The following MTMR3 variants were observed in gnomAD, a reference collection of about 807,000 sequenced individuals.
The protein encoded by MTMR3 is myotubularin related protein 3.
MTMR3 carries 32 observed loss-of-function variants against 132.4 expected under a neutral mutation model. The observed-to-expected ratio is 0.24, with a 90% confidence interval of 0.18 to 0.32. The LOEUF (loss-of-function observed/expected upper bound fraction) is 0.32, where lower values mean the gene tolerates loss of function less well. MTMR3 is among the 10% of genes least tolerant of loss of function. MTMR3 has a pLI of 1.00. For missense variants in MTMR3, 1,216 were observed against 1,489.6 expected (o/e 0.82, Z 3.02); for synonymous variants, 556 against 550.3 (o/e 1.01, Z -0.14).
At position 30,019,899 on chromosome 22, in the gene MTMR3, ATGC is replaced by A; in HGVS notation, c.2245_2247del (p.Ala749del). The A allele has an allele frequency of 1.2e-6, 2 of 1,614,160 alleles. No homozygotes were observed. The highest frequency in any genetic ancestry group is 1.7e-6 in the Non-Finnish European group (2 of 1,180,010). ...CTTCACCAAGACCCAGAACTGGGTG[ATGC>A]TGCTCTGAGGAGCCATCTGGATATG... On this transcript the variant is annotated inframe_deletion, in exon 17 of 20. Coordinates refer to ENST00000401950, the MANE Select transcript of MTMR3 (RefSeq NM_021090.4).
At chr22:30,008,782 G>A (rs112567107) in intron 11 of MTMR3, 52 of 428,610 alleles carry the variant, frequency 1.2e-4, no homozygotes, top group African/African-American at 9.5e-4. Context: ...TTTTATGTCA[G>A]TATCTTCTTT....
At chr22:29,971,085 A>T (rs1202139048) in intron 3 of MTMR3, 23 bp downstream of exon 3, 1 of 1,055,216 alleles carries the variant, frequency 9.5e-7, no homozygotes. Context: ...AAATAAGAGT[A>T]AAAAAAAAAA....
chr22:29,966,514 G>A (rs1285029954), intron 2 of MTMR3, among the ~76,000 whole-genome samples: 7 of 152,022 alleles, frequency 4.6e-5, no homozygotes, highest in Non-Finnish European at 1.5e-5. Context: ...TTTGCATCTT[G>A]TATTTCATTA....
rs564673938 is a variant in MTMR3, at chr22:30,026,530, C to T, written c.*729C>T. 2 of 152,984 alleles carry T rather than the reference C, an allele frequency of 1.3e-5. No homozygotes were observed. The highest frequency in any genetic ancestry group is 3.7e-4 in the East Asian group (2 of 5,334). The allele number at this position is 152,984 out of a possible 1,614,324, so 9.5% of individuals were successfully genotyped here. A position where few individuals can be genotyped will look rare whatever the true frequency, so the allele number is the denominator to read the frequency against. ...GTGGGATCCCATTTTTAACTTGACCCAGATTGTCTTGGGCTCCTTTTACTT... is the reference window on the plus strand; with the variant it reads ...GTGGGATCCCATTTTTAACTTGACCTAGATTGTCTTGGGCTCCTTTTACTT... On this transcript the variant is annotated 3_prime_UTR_variant, in exon 20 of 20. Coordinates refer to ENST00000401950, the MANE Select transcript of MTMR3 (RefSeq NM_021090.4).
chr22:30,019,672 A>G lies in MTMR3; in HGVS notation c.2013A>G (p.Arg671=). The stretch of plus-strand genomic sequence containing the variant: ...CCGACAGCCTAGGGAAGCCCACCAG[A>G]GTGCCGGGGGGTGCCGAGCTTTCTG... ...LSADSLGKPT[R]VPGGAELSVA... The change falls in exon 17 of 20, where the codon AGA becomes AGG. Residue 671 remains arginine, a synonymous_variant. Transcript: ENST00000401950. The G allele has an allele frequency of 3.7e-6, 6 of 1,614,180 alleles. No homozygotes were observed. Among genetic ancestry groups the G allele is most frequent in the Non-Finnish European group, 5.1e-6 (6 of 1,180,034 alleles).
chr22:29,911,829 A>G (rs557374564), intron 1 of MTMR3, among the ~76,000 whole-genome samples: 2 of 152,246 alleles, frequency 1.3e-5, no homozygotes, highest in East Asian at 3.9e-4. Flanking sequence ...ATGGGTATAG[A>G]ATTAATCAGT....
At chr22:29,942,543 C>T (rs2065876856) in intron 1 of MTMR3, among the ~76,000 whole-genome samples, 1 of 152,158 alleles carries the variant, frequency 6.6e-6, no homozygotes, top group Non-Finnish European at 1.5e-5. Flanking sequence ...TCCTAATAAG[C>T]CTGGGAGCAC....
At chr22:29,903,438 G>C (rs1467538959) in intron 1 of MTMR3, among the ~76,000 whole-genome samples, 1 of 145,174 alleles carries the variant, frequency 6.9e-6, no homozygotes, top group Non-Finnish European at 1.5e-5. Flanking sequence ...ATCCAGGCTG[G>C]AGTGCAGTGG....
At chr22:30,015,225 T>A (rs545738093) in intron 14 of MTMR3, 1 of 150,868 alleles carries the variant, frequency 6.6e-6, no homozygotes, top group African/African-American at 2.4e-5. Context: ...GTTTTTAATT[T>A]TTTTTTTTTT....
At chr22:29,942,135 C>G (rs771102410) in intron 1 of MTMR3, among the ~76,000 whole-genome samples, 4 of 152,044 alleles carry the variant, frequency 2.6e-5, no homozygotes, top group Non-Finnish European at 2.9e-5. Context: ...TCTATTTTCC[C>G]TAAGTGTCAG....
At chr22:29,886,008 C>T (rs2064669971) in intron 1 of MTMR3, among the ~76,000 whole-genome samples, 1 of 152,158 alleles carries the variant, frequency 6.6e-6, no homozygotes, top group African/African-American at 2.4e-5. Flanking sequence ...ACCCAGCTGT[C>T]CATTAGAAGA....
chr22:29,973,529 T>C (rs1569031265), intron 3 of MTMR3, among the ~76,000 whole-genome samples: 1 of 152,236 alleles, frequency 6.6e-6, no homozygotes, highest in African/African-American at 2.4e-5. Context: ...CTTCTACGCT[T>C]TGCAAACACG....
At position 30,009,088 on chromosome 22, in the gene MTMR3, G is replaced by T. The variant is rs201306503; in HGVS notation, c.1080G>T (p.Gln360His). The part of the protein sequence containing the change: ...ANIHSIRRSF[Q>H]SLRLLCTQMP... ...TTCATTCTATTCGGAGGAGTTTTCAGTCTCTGCGGTTGCTGTGCACTCAGA... is the reference window on the plus strand; with the variant it reads ...TTCATTCTATTCGGAGGAGTTTTCATTCTCTGCGGTTGCTGTGCACTCAGA... The change falls in exon 12 of 20, where the codon CAG becomes CAT. Residue 360 changes from glutamine to histidine, a missense_variant. Gln to His is a conservative substitution (Grantham distance 24, BLOSUM62 0). Coordinates refer to ENST00000401950, the MANE Select transcript of MTMR3 (RefSeq NM_021090.4). 9 of 1,613,842 alleles carry T rather than the reference G, an allele frequency of 5.6e-6. No homozygotes were observed. The East Asian group carries it at 1.6e-4, about 28-fold the overall frequency.
At chr22:29,958,026 A>G (rs2066235427) in intron 2 of MTMR3, among the ~76,000 whole-genome samples, 1 of 152,232 alleles carries the variant, frequency 6.6e-6, no homozygotes, top group South Asian at 2.1e-4. Context: ...TTTCAGTACT[A>G]CCTGTAGTTT....
At chr22:29,949,647 TA>T (rs566021150) in intron 1 of MTMR3, among the ~76,000 whole-genome samples, 13 of 151,354 alleles carry the variant, frequency 8.6e-5, no homozygotes, top group Admixed American at 7.3e-4. Flanking sequence ...TAAGCCTTAT[TA>T]AAAAAAAACT....
chr22:29,911,015 T>TA (rs912817018), intron 1 of MTMR3, among the ~76,000 whole-genome samples: 2 of 152,162 alleles, frequency 1.3e-5, no homozygotes, highest in African/African-American at 4.8e-5. Flanking sequence ...ATTATACTAG[T>TA]AAAAGGAATA....
intron 2 of MTMR3, among the ~76,000 whole-genome samples, chr22:29,958,638 G>A (rs527993516): frequency 1.3e-5 from 2 of 151,970 alleles, no homozygotes; most frequent in African/African-American, 4.8e-5. Context: ...TCTTCCTTAA[G>A]TGCCCAGCTC....
At chr22:29,920,183 C>A (rs1442573320) in intron 1 of MTMR3, among the ~76,000 whole-genome samples, 2 of 150,194 alleles carry the variant, frequency 1.3e-5, no homozygotes, top group African/African-American at 4.9e-5. Flanking sequence ...CACTGCACTG[C>A]AGCCTGGGCG....
At chr22:29,944,249 A>G (rs2065913018) in intron 1 of MTMR3, among the ~76,000 whole-genome samples, 1 of 151,616 alleles carries the variant, frequency 6.6e-6, no homozygotes, top group African/African-American at 2.4e-5. Context: ...GGTTTTTGCC[A>G]TTAAAAATGA....
Sources: gnomAD v4.1 joint callset for allele counts (sites outside exome capture counted in the v4.1 genomes callset) on GRCh38, gnomAD v4.1.1 for gene constraint, MANE v1.5 for transcripts, NCBI Gene and HGNC (gene_info 2026-07-23, HGNC 2026-07-21) for gene names.